Variants in RAD50 observed in about 807,000 individuals in gnomAD.
The protein encoded by RAD50 is RAD50 double strand break repair protein.
In RAD50, 132 loss-of-function variants were observed where a neutral mutation model predicts 168.8. The observed-to-expected ratio is 0.78, with a 90% confidence interval of 0.68 to 0.90. The LOEUF (loss-of-function observed/expected upper bound fraction) is 0.90, where lower values mean the gene tolerates loss of function less well. RAD50 is among the 40% of genes least tolerant of loss of function. The pLI is 0.00. For missense variants in RAD50, 1,347 were observed against 1,534.4 expected, an observed-to-expected ratio of 0.88 and a Z score of 2.04; for synonymous variants, 525 against 497.4, an observed-to-expected ratio of 1.06 and a Z score of -0.74.
At chr5:132,626,164 G>A (rs1339362769) in intron 21 of RAD50, among the ~76,000 whole-genome samples, 1 of 152,062 alleles carries the variant, frequency 6.6e-6, no homozygotes, top group Admixed American at 6.6e-5. Context: ...CACCGCGCCC[G>A]AGAGGAACCA....
At position 132,565,553 on chromosome 5, in the gene RAD50, G is replaced by A. The variant is rs544585623; in HGVS notation, c.213+6186G>A. ...GTGCTAGATCATGTCCTCATTCCCCGCCCTTCTCTGATACCAGGTGGCCTC... is the reference window on the plus strand; with the variant it reads ...GTGCTAGATCATGTCCTCATTCCCCACCCTTCTCTGATACCAGGTGGCCTC... On this transcript the variant is annotated intron_variant, in intron 2 of 24. Transcript: ENST00000378823. 1.4e-4 allele frequency among the ~76,000 whole-genome samples: 22 copies of A among 151,930 alleles called. No individual in the cohort carries two copies. The South Asian group carries it at 1.9e-3, about 13-fold the overall frequency.
intron 21 of RAD50, among the ~76,000 whole-genome samples, chr5:132,621,347 A>G (rs939094961): frequency 6.6e-5 from 10 of 152,190 alleles, no homozygotes; most frequent in Non-Finnish European, 1.5e-4. Context: ...TTTTTCCTGA[A>G]TACTAATTAT....
rs757137086 is a variant in RAD50, at chr5:132,591,189, A to G, written c.1453-35A>G. 10 of 1,554,588 alleles carry G rather than the reference A, an allele frequency of 6.4e-6. No homozygotes were observed. The African/African-American group carries it at 1.2e-4, about 19-fold the overall frequency. ...TTATTTTAATTCTTGCACAAAATAT[A>G]TAACACCTTTGCATTTGTATGAATT... is the stretch of plus-strand genomic sequence containing the variant. On this transcript the variant is annotated intron_variant, in intron 9 of 24. Transcript: ENST00000378823.
chr5:132,599,043 T>C (rs993277584), intron 13 of RAD50, among the ~76,000 whole-genome samples: 2 of 152,234 alleles, frequency 1.3e-5, no homozygotes, highest in African/African-American at 4.8e-5. Flanking sequence ...TTGTATATTC[T>C]ATATTGTAAC....
chr5:132,616,259 A>G (rs1751173523), intron 20 of RAD50, 129 bp downstream of exon 20: 1 of 885,960 alleles, frequency 1.1e-6, no homozygotes, highest in African/African-American at 1.7e-5. Context: ...TAGAAGGTGA[A>G]CAGTGTTTTG....
Position 132,557,050 on chromosome 5 carries a change from T to C in RAD50, c.-275T>C. 1 of 651,734 alleles carries C rather than the reference T, an allele frequency of 1.5e-6. No individual in the cohort carries two copies. Among genetic ancestry groups the C allele is most frequent in the South Asian group, 1.9e-5 (1 of 52,254 alleles). 40.4% of individuals were successfully genotyped at this position (651,734 alleles called of 1,614,324 possible). A position where few individuals can be genotyped will look rare whatever the true frequency, so the allele number is the denominator to read the frequency against. ...CGGGGTCGCATTGTGGCTACGGCTT[T>C]GCGTCCCCGGCGGGCAGCCCCAGGC... On this transcript the variant is annotated 5_prime_UTR_variant, in exon 1 of 25. Coordinates refer to ENST00000378823, the MANE Select transcript of RAD50 (RefSeq NM_005732.4).
chr5:132,570,905 T>C, intron 2 of RAD50, among the ~76,000 whole-genome samples: 1 of 152,226 alleles, frequency 6.6e-6, no homozygotes, highest in East Asian at 1.9e-4. Context: ...TAGTTTTTGA[T>C]TTAAAACGAG....
At position 132,603,949 on chromosome 5, in the gene RAD50, T is replaced by G. The variant is rs374040636; in HGVS notation, c.2427T>G (p.Ile809Met). The change falls in exon 15 of 25, where the codon ATT becomes ATG. Residue 809 changes from isoleucine to methionine, a missense_variant. By Grantham distance (10) the Ile-to-Met change is conservative (BLOSUM62 1). Coordinates refer to ENST00000378823, the MANE Select transcript of RAD50 (RefSeq NM_005732.4). The stretch of plus-strand genomic sequence containing the variant: ...AACTTAAAGATGTTGAAAGAAAAAT[T>G]GCACAACAAGCAGCTAAGCTACAAG... ...QMELKDVERK[I>M]AQQAAKLQGI... 1.9e-6 allele frequency: 3 copies of G among 1,609,786 alleles called. No homozygotes were observed. Among genetic ancestry groups the G allele is most frequent in the Admixed American group, 3.3e-5 (2 of 59,968 alleles).
chr5:132,599,980 C>T (rs902218653), intron 13 of RAD50: 1 of 152,174 alleles, frequency 6.6e-6, no homozygotes, highest in Non-Finnish European at 1.5e-5. Flanking sequence ...ATGATAGTCA[C>T]TTAGGTGGAA....
intron 15 of RAD50, among the ~76,000 whole-genome samples, chr5:132,604,305 G>A (rs922228332): frequency 6.8e-6 from 1 of 147,036 alleles, no homozygotes; most frequent in Non-Finnish European, 1.5e-5. Context: ...CACTTTTGTC[G>A]CCCAGGCTGG....
intron 21 of RAD50, among the ~76,000 whole-genome samples, chr5:132,619,910 CT>C (rs1268430961): frequency 0.031 from 3,703 of 117,710 alleles, 190 homozygotes; most frequent in African/African-American, 0.12. Flanking sequence ...AGAGATATAT[CT>C]TTTTTTTTTT....
intron 14 of RAD50, among the ~76,000 whole-genome samples, chr5:132,603,717 T>G (rs1198916812): frequency 1.3e-5 from 2 of 152,246 alleles, no homozygotes; most frequent in African/African-American, 4.8e-5. Flanking sequence ...GTTTTTCATC[T>G]TTAGTCAGCT....
At position 132,645,811 on chromosome 5, in the gene RAD50, T is replaced by A. The variant is rs1751837197; in HGVS notation, c.*3447T>A. On this transcript the variant is annotated 3_prime_UTR_variant, in exon 25 of 25. Transcript: ENST00000378823. ...ATAACAACTTGCCAGGGTTACTGAG[T>A]GAAGGCTATTCTAGCACATGTTAGT... The A allele has an allele frequency of 6.6e-6, 1 of 152,114 alleles. No homozygotes were observed. Among genetic ancestry groups the A allele is most frequent in the Non-Finnish European group, 1.5e-5 (1 of 68,018 alleles). The allele number at this position is 152,114 out of a possible 1,614,324, so 9.4% of individuals were successfully genotyped here.
intron 16 of RAD50, among the ~76,000 whole-genome samples, chr5:132,607,887 CTCAG>C: frequency 6.6e-6 from 1 of 152,312 alleles, no homozygotes; most frequent in East Asian, 1.9e-4. Context: ...TATAGATTCA[CTCAG>C]TACTTCAGAA....
intron 2 of RAD50, among the ~76,000 whole-genome samples, chr5:132,561,346 C>G (rs1383567348): frequency 1.3e-5 from 2 of 152,092 alleles, no homozygotes; most frequent in Non-Finnish European, 2.9e-5. Flanking sequence ...GGGTGTGCCA[C>G]CACACCCAGC....
chr5:132,588,119 T>C (rs758776021), intron 7 of RAD50, 30 bp downstream of exon 7: 1 of 1,587,268 alleles, frequency 6.3e-7, no homozygotes, highest in Non-Finnish European at 8.6e-7. Flanking sequence ...TGGTCGTTTT[T>C]CCTACTATGA....
At chr5:132,561,870 A>G (rs1750130253) in intron 2 of RAD50, among the ~76,000 whole-genome samples, 2 of 152,062 alleles carry the variant, frequency 1.3e-5, no homozygotes. Flanking sequence ...ATATGTCAGA[A>G]TTTGTCTACT....
intron 13 of RAD50, among the ~76,000 whole-genome samples, chr5:132,601,309 T>C (rs1312324039): frequency 6.6e-6 from 1 of 152,222 alleles, no homozygotes; most frequent in Non-Finnish European, 1.5e-5. Context: ...GAAAACTTCT[T>C]TTAACATCTT....
At chr5:132,591,772 A>T (rs2149842502) in intron 10 of RAD50, 105 bp from the exon 11 acceptor site, 1 of 804,120 alleles carries the variant, frequency 1.2e-6, no homozygotes, top group Non-Finnish European at 1.9e-6. Flanking sequence ...TCATATTTTT[A>T]TAGTTTTAAG....
Sources: allele counts gnomAD v4.1 joint callset (sites outside exome capture counted in the v4.1 genomes callset), GRCh38; gene constraint gnomAD v4.1.1; transcripts MANE v1.5; gene names NCBI Gene and HGNC (gene_info 2026-07-23, HGNC 2026-07-21).